The following TIPRL variants were observed in gnomAD, a reference collection of about 807,000 sequenced individuals.
TIPRL encodes TIP41-like protein.
A neutral mutation model predicts 32.3 loss-of-function variants in TIPRL; 10 were observed. That is an observed-to-expected ratio of 0.31 (90% CI 0.19 to 0.52). The LOEUF is 0.52. Ranked by LOEUF, TIPRL falls within the 20% of genes least tolerant of loss-of-function variation. TIPRL has a pLI of 0.96. For synonymous variants in TIPRL, 100 were observed against 114.0 expected (o/e 0.88, Z 0.78); for missense variants, 250 against 328.1 (o/e 0.76, Z 1.84).
In TIPRL at chr1:168,201,121, C is replaced by T. The variant is rs540627303; in HGVS notation, c.*1075C>T. ...TCCATTTGATTGTTTTCATAGTGACCCCTTAGTCATTTTATATTCTTGTCT... is the reference window on the plus strand; with the variant it reads ...TCCATTTGATTGTTTTCATAGTGACTCCTTAGTCATTTTATATTCTTGTCT... On this transcript the variant is annotated 3_prime_UTR_variant, in exon 7 of 7. Coordinates refer to ENST00000367833, the MANE Select transcript of TIPRL (RefSeq NM_152902.5). 4 of 151,916 alleles carry T rather than the reference C, an allele frequency of 2.6e-5. No individual in the cohort carries two copies. Among genetic ancestry groups the T allele is most frequent in the Non-Finnish European group, 5.9e-5 (4 of 67,956 alleles). The allele number at this position is 151,916 out of a possible 1,614,324, so 9.4% of individuals were successfully genotyped here.
rs760689907 is a variant in TIPRL at position 168,179,033 on chromosome 1, T to C, written c.-45T>C. ...AGGAACCGGTGTTCGCCGCCGCCGCTGCTTCAGCTTATTCCTTGTGGCCTC... is the reference window on the plus strand; with the variant it reads ...AGGAACCGGTGTTCGCCGCCGCCGCCGCTTCAGCTTATTCCTTGTGGCCTC... On this transcript the variant is annotated 5_prime_UTR_variant, in exon 1 of 7. Coordinates refer to ENST00000367833, the MANE Select transcript of TIPRL (RefSeq NM_152902.5). 2.6e-6 allele frequency: 4 copies of C among 1,554,782 alleles called. No individual in the cohort carries two copies. The highest frequency in any genetic ancestry group is 1.4e-5 in the African/African-American group (1 of 73,394).
intron 3 of TIPRL, among the ~76,000 whole-genome samples, chr1:168,188,466 T>C (rs756040948): frequency 3.3e-5 from 5 of 152,244 alleles, no homozygotes; most frequent in Admixed American, 6.5e-5. Context: ...TGAATGGGCA[T>C]GGCTATGCTT....
chr1:168,198,781 T>C (rs1700182629), intron 5 of TIPRL, 138 bp from the exon 6 acceptor site: 2 of 685,320 alleles, frequency 2.9e-6, no homozygotes, highest in Admixed American at 2.9e-5. Flanking sequence ...GTTATCTCAG[T>C]GTAGAACAAG....
At chr1:168,193,994 G>A (rs1181770458) in intron 4 of TIPRL, among the ~76,000 whole-genome samples, 6 of 152,200 alleles carry the variant, frequency 3.9e-5, no homozygotes, top group Non-Finnish European at 8.8e-5. Flanking sequence ...TGACAGAGAT[G>A]TAAGGTATCA....
At chr1:168,191,883 A>G (rs920552243) in intron 4 of TIPRL, among the ~76,000 whole-genome samples, 2 of 151,466 alleles carry the variant, frequency 1.3e-5, no homozygotes, top group East Asian at 1.9e-4. Context: ...AAAAAAAAGA[A>G]TAACACTGAG....
intron 5 of TIPRL, among the ~76,000 whole-genome samples, chr1:168,196,930 C>CTT (rs1700165028): frequency 6.6e-6 from 1 of 152,150 alleles, no homozygotes; most frequent in Admixed American, 6.5e-5. Flanking sequence ...TTTAAGAAAA[C>CTT]TGTCCTTTAA....
chr1:168,198,162 A>G (rs1192539528), intron 5 of TIPRL, among the ~76,000 whole-genome samples: 2 of 152,180 alleles, frequency 1.3e-5, no homozygotes, highest in African/African-American at 4.8e-5. Context: ...ATCTACTTAC[A>G]TAAGATTCTC....
intron 4 of TIPRL, chr1:168,192,360 A>T (rs1270332293): frequency 6.9e-6 from 7 of 1,017,970 alleles, no homozygotes; most frequent in African/African-American, 3.4e-5. Context: ...TCTCAAAAAA[A>T]AAAAATAAAA....
intron 6 of TIPRL, 48 bp downstream of exon 6, chr1:168,199,029 T>C: frequency 1.3e-6 from 2 of 1,491,426 alleles, no homozygotes; most frequent in South Asian, 2.4e-5. Context: ...AATGTTTCAT[T>C]TTAATTTAAG....
In TIPRL at chr1:168,200,546, G is replaced by A. The variant is rs960170626; in HGVS notation, c.*500G>A. The A allele has an allele frequency of 6.6e-6, 1 of 151,854 alleles. No individual in the cohort carries two copies. Among genetic ancestry groups the A allele is most frequent in the Non-Finnish European group, 1.5e-5 (1 of 67,978 alleles). The allele number at this position is 151,854 out of a possible 1,614,324, so 9.4% of individuals were successfully genotyped here. A position where few individuals can be genotyped will look rare whatever the true frequency, so the allele number is the denominator to read the frequency against. On this transcript the variant is annotated 3_prime_UTR_variant, in exon 7 of 7. Transcript: ENST00000367833. ...TACGAAATTAGTCTCATAGTGTAGT[G>A]AACTTCAACCCCAAAATTTTAAAAA... is the stretch of plus-strand genomic sequence containing the variant.
intron 1 of TIPRL, among the ~76,000 whole-genome samples, chr1:168,179,800 A>C (rs999433437): frequency 6.6e-6 from 1 of 152,130 alleles, no homozygotes; most frequent in Non-Finnish European, 1.5e-5. Context: ...CAGGTCAGGC[A>C]GAGTGAGTTG....
intron 1 of TIPRL, among the ~76,000 whole-genome samples, chr1:168,182,912 C>T (rs1699985029): frequency 6.6e-6 from 1 of 152,056 alleles, no homozygotes; most frequent in Non-Finnish European, 1.5e-5. Flanking sequence ...TTTCTATCTC[C>T]TAATAACAAA....
chr1:168,189,500 C>T (rs1349376578), intron 3 of TIPRL, among the ~76,000 whole-genome samples: 1 of 152,230 alleles, frequency 6.6e-6, no homozygotes, highest in East Asian at 1.9e-4. Context: ...TGCCTGCCAC[C>T]ACGATCAGCT....
intron 3 of TIPRL, among the ~76,000 whole-genome samples, chr1:168,186,666 A>T (rs1039715124): frequency 2.0e-5 from 3 of 152,278 alleles, no homozygotes; most frequent in Admixed American, 2.0e-4. Context: ...TCACACCTGT[A>T]ATCCCAGCAC....
At chr1:168,181,770 T>C (rs2102304757) in intron 1 of TIPRL, among the ~76,000 whole-genome samples, 1 of 151,796 alleles carries the variant, frequency 6.6e-6, no homozygotes, top group African/African-American at 2.4e-5. Flanking sequence ...TAAAAACAAA[T>C]TTGCCTGAGG....
intron 3 of TIPRL, among the ~76,000 whole-genome samples, chr1:168,190,239 C>T (rs952504796): frequency 6.6e-6 from 1 of 152,134 alleles, no homozygotes; most frequent in African/African-American, 2.4e-5. Context: ...TGGCCTTATA[C>T]CTGCTCCGTA....
intron 2 of TIPRL, 131 bp from the exon 3 acceptor site, chr1:168,184,648 T>A (rs1700005495): frequency 1.5e-6 from 1 of 683,686 alleles, no homozygotes; most frequent in Non-Finnish European, 2.5e-6. Flanking sequence ...AACCTTGTAC[T>A]GGTGAATTAT....
chr1:168,193,370 C>A (rs900786322), intron 4 of TIPRL, among the ~76,000 whole-genome samples: 2 of 152,124 alleles, frequency 1.3e-5, no homozygotes, highest in Non-Finnish European at 2.9e-5. Context: ...TTCTTTGTAT[C>A]ATCTAATATA....
Position 168,198,949 on chromosome 1 carries a change from A to C in TIPRL, c.643A>C (p.Thr215Pro). ...CAAGACCTACATGTTACGAGAATATACGTCACGAGAAAGCAAAATTTCTAG... is the reference window on the plus strand; with the variant it reads ...CAAGACCTACATGTTACGAGAATATCCGTCACGAGAAAGCAAAATTTCTAG... ...ADKTYMLREY[T>P]SRESKISSLM... The change falls in exon 6 of 7, where the codon ACG (threonine) becomes CCG (proline). Residue 215 changes from threonine to proline, a missense_variant. Physicochemically the swap from Thr to Pro is conservative, Grantham distance 38 (BLOSUM62 -1). Coordinates refer to ENST00000367833, the MANE Select transcript of TIPRL (RefSeq NM_152902.5). 1 of 1,612,568 alleles carries C rather than the reference A, an allele frequency of 6.2e-7. No individual in the cohort carries two copies. The highest frequency in any genetic ancestry group is 8.5e-7 in the Non-Finnish European group (1 of 1,179,146).
Sources: gnomAD v4.1 joint callset for allele counts (sites outside exome capture counted in the v4.1 genomes callset) on GRCh38, gnomAD v4.1.1 for gene constraint, MANE v1.5 for transcripts, NCBI Gene and HGNC (gene_info 2026-07-23, HGNC 2026-07-21) for gene names.